The following FSTL5 variants were observed in gnomAD, a reference collection of about 807,000 sequenced individuals.
FSTL5 encodes follistatin like 5, also known as follistatin-related protein 5.
A neutral mutation model predicts 89.1 loss-of-function variants in FSTL5; 62 were observed. That is an observed-to-expected ratio of 0.70 (90% confidence interval 0.57 to 0.86). The LOEUF (loss-of-function observed/expected upper bound fraction) is 0.86. FSTL5 is among the 40% of genes least tolerant of loss of function. The probability of loss-of-function intolerance (pLI) is 0.00; values close to 1 mark genes in which losing one functional copy is unlikely to be tolerated. For synonymous variants in FSTL5, 383 were observed against 346.2 expected (o/e 1.11, Z -1.18); for missense variants, 1,057 against 1,001.6 (o/e 1.06, Z -0.75).
At chr4:161,824,253 G>A (rs1226848551) in intron 4 of FSTL5, among the ~76,000 whole-genome samples, 7 of 152,198 alleles carry the variant, frequency 4.6e-5, no homozygotes, top group Middle Eastern at 3.4e-3. Flanking sequence ...TCCCAGCACC[G>A]TTTGTTGAAT....
At chr4:161,462,624 C>T (rs991805120) in intron 13 of FSTL5, among the ~76,000 whole-genome samples, 3 of 152,072 alleles carry the variant, frequency 2.0e-5, no homozygotes, top group African/African-American at 7.2e-5. Context: ...ATACCTACTT[C>T]AAAGGGTTAT....
chr4:161,473,521 C>T (rs1056264173), intron 13 of FSTL5, among the ~76,000 whole-genome samples: 5 of 149,562 alleles, frequency 3.3e-5, no homozygotes, highest in Non-Finnish European at 5.9e-5. Context: ...GACTTCCAGG[C>T]TCAAGTGATG....
At chr4:161,969,910 T>G (rs757796263) in intron 3 of FSTL5, among the ~76,000 whole-genome samples, 5 of 152,042 alleles carry the variant, frequency 3.3e-5, no homozygotes, top group Non-Finnish European at 7.4e-5. Flanking sequence ...TGGTGTATGT[T>G]TGAAAAATGC....
chr4:161,387,660 T>G (rs921930654), intron 15 of FSTL5: 4 of 151,986 alleles, frequency 2.6e-5, no homozygotes, highest in Non-Finnish European at 5.9e-5. Context: ...AAACATATAT[T>G]AAATATCATA....
At chr4:162,076,625 T>C (rs1042018415) in intron 2 of FSTL5, among the ~76,000 whole-genome samples, 2 of 151,774 alleles carry the variant, frequency 1.3e-5, no homozygotes, top group African/African-American at 4.8e-5. Context: ...GCAAGACTTC[T>C]GTGGATAAAG....
At chr4:162,074,986 C>T (rs1043988205) in intron 2 of FSTL5, among the ~76,000 whole-genome samples, 2 of 151,664 alleles carry the variant, frequency 1.3e-5, no homozygotes, top group Admixed American at 6.6e-5. Flanking sequence ...TTATTGAATA[C>T]TGTTTTTTAC....
At chr4:161,565,365 A>C (rs568618875) in intron 8 of FSTL5, among the ~76,000 whole-genome samples, 20 of 152,098 alleles carry the variant, frequency 1.3e-4, no homozygotes, top group Admixed American at 3.3e-4. Context: ...ATGGAAATCC[A>C]CATAAACTTA....
intron 4 of FSTL5, among the ~76,000 whole-genome samples, chr4:161,871,436 A>T (rs1249086526): frequency 2.0e-5 from 3 of 152,106 alleles, no homozygotes; most frequent in African/African-American, 7.2e-5. Context: ...CATGTATTTT[A>T]TCAGAATAAT....
chr4:161,636,586 A>C, intron 7 of FSTL5, among the ~76,000 whole-genome samples: 1 of 149,264 alleles, frequency 6.7e-6, no homozygotes, highest in East Asian at 2.0e-4. Flanking sequence ...AGCATTAGGT[A>C]TATCTCCCAA....
chr4:161,583,508 C>T (rs1733504684), intron 8 of FSTL5, among the ~76,000 whole-genome samples: 1 of 152,090 alleles, frequency 6.6e-6, no homozygotes, highest in Admixed American at 6.6e-5. Context: ...ATAGTTAATC[C>T]CTCACTGTTA....
Position 161,812,925 on chromosome 4 carries a change from A to G in FSTL5, c.410-36851T>C, listed in dbSNP as rs183223928. Among the ~76,000 whole-genome samples the G allele has an allele frequency of 1.0e-3, 147 of 141,568 alleles. 1 individual carries two copies. Among genetic ancestry groups the G allele is most frequent in the African/African-American group, 3.4e-3 (133 of 39,096 alleles). The allele number at this position is 141,568 out of a possible 152,430, so 92.9% of individuals were successfully genotyped here. A position where few individuals can be genotyped will look rare whatever the true frequency, so the allele number is the denominator to read the frequency against. On this transcript the variant is annotated intron_variant, in intron 4 of 15. Transcript: ENST00000306100. ...AAAAAAAAGATTACGTTTTAGAAGA[A>G]TAAGAGCCAGTAAGAAATCTCTTCT...
intron 8 of FSTL5, among the ~76,000 whole-genome samples, chr4:161,550,916 T>A (rs1732185587): frequency 2.0e-5 from 3 of 151,936 alleles, no homozygotes. Context: ...CACGAACTCA[T>A]CATTTTTTAT....
At chr4:161,792,224 C>A (rs1367006937) in intron 4 of FSTL5, among the ~76,000 whole-genome samples, 1 of 152,116 alleles carries the variant, frequency 6.6e-6, no homozygotes, top group African/African-American at 2.4e-5. Context: ...GCAGTGCTGA[C>A]ACTTCAGCCC....
At chr4:161,779,760 T>C (rs1369014489) in intron 4 of FSTL5, among the ~76,000 whole-genome samples, 5 of 16,044 alleles carry the variant, frequency 3.1e-4, no homozygotes, top group African/African-American at 3.1e-3. Context: ...TTTGTAAAGT[T>C]ATATATATAT....
At chr4:162,078,843 G>A (rs1826388) in intron 2 of FSTL5, among the ~76,000 whole-genome samples, 143,155 of 151,808 alleles carry the variant, frequency 0.94, 67,605 homozygotes, top group Non-Finnish European at 0.98. Context: ...CTAACTCATG[G>A]TATTTTTACA....
chr4:161,831,796 C>T (rs1363531114), intron 4 of FSTL5, among the ~76,000 whole-genome samples: 1 of 150,974 alleles, frequency 6.6e-6, no homozygotes, highest in Non-Finnish European at 1.5e-5. Context: ...TAATATATAA[C>T]AGCATATATA....
chr4:161,837,635 G>T (rs57112770), intron 4 of FSTL5, among the ~76,000 whole-genome samples: 1,915 of 152,058 alleles, frequency 0.013, 35 homozygotes, highest in African/African-American at 0.043. Context: ...AATCTATGAG[G>T]TGTCTTCTAT....
intron 7 of FSTL5, among the ~76,000 whole-genome samples, chr4:161,599,994 A>G (rs1734167010): frequency 6.6e-6 from 1 of 152,080 alleles, no homozygotes; most frequent in Admixed American, 6.6e-5. Flanking sequence ...ACACATAAAG[A>G]AACAAATTTC....
At chr4:161,964,104 C>T (rs1039190580) in intron 3 of FSTL5, among the ~76,000 whole-genome samples, 17 of 151,798 alleles carry the variant, frequency 1.1e-4, no homozygotes, top group African/African-American at 4.1e-4. Flanking sequence ...ATGATTTGAG[C>T]CTCTACTGAA....
Sources: allele counts gnomAD v4.1 joint callset (sites outside exome capture counted in the v4.1 genomes callset), GRCh38; gene constraint gnomAD v4.1.1; transcripts MANE v1.5; gene names NCBI Gene and HGNC (gene_info 2026-07-23, HGNC 2026-07-21).